ANKRD28: variants seen among roughly 807,000 people sequenced by gnomAD.
ANKRD28 encodes the protein ankyrin repeat domain 28.
A neutral mutation model predicts 126.5 loss-of-function variants in ANKRD28; 44 were observed. The observed-to-expected ratio is 0.35, with a 90% CI of 0.27 to 0.45. ANKRD28 has a LOEUF of 0.45. Ranked by LOEUF, ANKRD28 falls within the 20% of genes least tolerant of loss-of-function variation. The probability of loss-of-function intolerance (pLI) is 1.00; values close to 1 mark genes in which losing one functional copy is unlikely to be tolerated. For synonymous variants in ANKRD28, 442 were observed against 468.5 expected (o/e 0.94, Z 0.73); for missense variants, 1,110 against 1,316.6 (o/e 0.84, Z 2.43).
chr3:15,855,459 C>T (rs1053469673), intron 1 of ANKRD28, among the ~76,000 whole-genome samples: 8 of 152,148 alleles, frequency 5.3e-5, no homozygotes, highest in Non-Finnish European at 7.3e-5. Flanking sequence ...AAGCTATTAC[C>T]CTTTAGTACT....
chr3:15,682,067 C>G (rs538273881), intron 21 of ANKRD28, among the ~76,000 whole-genome samples: 1 of 152,070 alleles, frequency 6.6e-6, no homozygotes, highest in Admixed American at 6.6e-5. Context: ...GCCTAGGGAA[C>G]CCTGGGGTGA....
intron 6 of ANKRD28, chr3:15,732,822 T>C (rs2074737603): frequency 6.6e-6 from 1 of 152,254 alleles, no homozygotes; most frequent in African/African-American, 2.4e-5. Flanking sequence ...CCCAAATCCT[T>C]GTAACAGATA....
intron 1 of ANKRD28, among the ~76,000 whole-genome samples, chr3:15,819,058 G>A (rs1415080814): frequency 6.6e-6 from 1 of 152,132 alleles, no homozygotes; most frequent in African/African-American, 2.4e-5. Flanking sequence ...TGGGAGGACT[G>A]CTTGAGCCCA....
chr3:15,749,734 C>A (rs2057745075), intron 4 of ANKRD28, among the ~76,000 whole-genome samples: 1 of 152,160 alleles, frequency 6.6e-6, no homozygotes. Flanking sequence ...ATGGGTATTC[C>A]TGAGAGCCAA....
In ANKRD28 at chr3:15,691,333, C is replaced by T. The variant is rs1208732371; in HGVS notation, c.1762-1113G>A. On this transcript the variant is annotated intron_variant, in intron 17 of 27. Coordinates refer to ENST00000683139, the MANE Select transcript of ANKRD28 (RefSeq NM_001349278.2). ...AGAAACGGGGTTTCACCATGTTGGC[C>T]AGGATGGTCTCGATCTCTTGACCTT... Among the ~76,000 whole-genome samples the T allele has an allele frequency of 7.9e-5, 12 of 152,184 alleles. No homozygotes were observed. The South Asian group carries it at 1.0e-3, about 13-fold the overall frequency.
In ANKRD28 at chr3:15,709,953, G is replaced by A. The variant is rs554286159; in HGVS notation, c.1338-217C>T. ...TTGGCACACTGAGGAAATAACACAC[G>A]ATTCATGTTGTCATTGTTTAAAAGG... On this transcript the variant is annotated intron_variant, in intron 12 of 27. Coordinates refer to ENST00000683139, the MANE Select transcript of ANKRD28 (RefSeq NM_001349278.2). Among the ~76,000 whole-genome samples, 16 of 152,018 alleles carry A rather than the reference G, an allele frequency of 1.1e-4. No individual in the cohort carries two copies. The South Asian group carries it at 2.9e-3, about 28-fold the overall frequency.
Position 15,766,224 on chromosome 3 carries a change from G to A in ANKRD28, c.280+10C>T, listed in dbSNP as rs1306565093. The A allele has an allele frequency of 6.2e-7, 1 of 1,604,316 alleles. No homozygotes were observed. The highest frequency in any genetic ancestry group is 8.5e-7 in the Non-Finnish European group (1 of 1,172,932). ...CATAATGTGTTCTTATTACTCAGAG[G>A]TTACCATACCAGATAAAATAAGAAG... On this transcript the variant is annotated intron_variant, in intron 3 of 27. Coordinates refer to ENST00000683139, the MANE Select transcript of ANKRD28 (RefSeq NM_001349278.2).
chr3:15,797,971 C>T lies in ANKRD28; in HGVS notation c.-1450G>A. 1 of 985,302 alleles carries T rather than the reference C, an allele frequency of 1.0e-6. No individual in the cohort carries two copies. The highest frequency in any genetic ancestry group is 1.2e-6 in the Non-Finnish European group (1 of 829,894). The allele number at this position is 985,302 out of a possible 1,614,324, so 61.0% of individuals were successfully genotyped here. A position where few individuals can be genotyped will look rare whatever the true frequency, so the allele number is the denominator to read the frequency against. ...AGTAATGCTCACATGTTACACTTAC[C>T]AGAGATCTGAGCTACTTCTCGGGAT... On this transcript the variant is annotated 5_prime_UTR_variant, in exon 1 of 28. Transcript: ENST00000683139.
At chr3:15,707,848 G>C in intron 14 of ANKRD28, 76 bp downstream of exon 14, 1 of 1,509,164 alleles carries the variant, frequency 6.6e-7, no homozygotes. Context: ...ACACAAATTT[G>C]CAACAAAAAC....
chr3:15,700,682 G>T (rs991842023), intron 14 of ANKRD28, among the ~76,000 whole-genome samples: 102 of 152,286 alleles, frequency 6.7e-4, no homozygotes, highest in African/African-American at 2.4e-3. Flanking sequence ...GCTGAGGCAG[G>T]AGAATTGCTT....
chr3:15,801,756 A>G (rs116650197), upstream of ANKRD28, among the ~76,000 whole-genome samples: 412 of 152,320 alleles, frequency 2.7e-3, 1 homozygote, highest in African/African-American at 9.7e-3. The surrounding 1 kb of genome is among the most constrained non-coding windows in gnomAD (Gnocchi z 4.9). Context: ...CCACTGCAAG[A>G]AAGTCACTAG....
At chr3:15,859,307 A>G in intron 1 of ANKRD28, 1 of 1,505,910 alleles carries the variant, frequency 6.6e-7, no homozygotes, top group Non-Finnish European at 8.8e-7. Flanking sequence ...CCAGCGGCCC[A>G]CACCGCCGGT....
chr3:15,676,694 C>T (rs555212629), intron 26 of ANKRD28: 40 of 274,188 alleles, frequency 1.5e-4, no homozygotes, highest in African/African-American at 9.0e-4. Context: ...ACAGAATACA[C>T]AAAATAGTAC....
chr3:15,746,522 G>A (rs2057485842), intron 4 of ANKRD28, among the ~76,000 whole-genome samples: 1 of 152,014 alleles, frequency 6.6e-6, no homozygotes, highest in African/African-American at 2.4e-5. Context: ...TACTGACTTA[G>A]GTATGTTAAT....
At position 15,841,515 on chromosome 3, in the gene ANKRD28, T is replaced by A. The variant is rs576093809; in HGVS notation, c.27+17862A>T. On this transcript the variant is annotated intron_variant, in intron 1 of 27. Coordinates refer to the ANKRD28 transcript ENST00000399451. Reference sequence around the variant, plus strand: ...ACAACCCATAGAATGGGAGAAAATATCTGCAAACTAATTCTCTGACAAGGG... The same window carrying A: ...ACAACCCATAGAATGGGAGAAAATAACTGCAAACTAATTCTCTGACAAGGG... Among the ~76,000 whole-genome samples the A allele has an allele frequency of 4.0e-4, 61 of 152,006 alleles. No homozygotes were observed. The Middle Eastern group carries it at 0.027, about 68-fold the overall frequency.
intron 1 of ANKRD28, among the ~76,000 whole-genome samples, chr3:15,837,308 G>A (rs1004078596): frequency 7.9e-5 from 12 of 152,014 alleles, no homozygotes; most frequent in African/African-American, 2.7e-4. Context: ...TGACCTAACT[G>A]ACATCTATAG....
intron 11 of ANKRD28, among the ~76,000 whole-genome samples, chr3:15,711,775 C>T (rs944929984): frequency 2.6e-5 from 4 of 152,006 alleles, no homozygotes; most frequent in African/African-American, 4.8e-5. Flanking sequence ...CAACCTCTGC[C>T]TCCTGGGTTC....
At chr3:15,733,707 A>C (rs2074817978) in intron 6 of ANKRD28, among the ~76,000 whole-genome samples, 1 of 152,164 alleles carries the variant, frequency 6.6e-6, no homozygotes, top group Non-Finnish European at 1.5e-5. Flanking sequence ...ACCTTATTTT[A>C]AATGTTTTAT....
Position 15,774,281 on chromosome 3 carries a change from C to A in ANKRD28, c.202-7969G>T, listed in dbSNP as rs140178963. 2.0e-3 allele frequency among the ~76,000 whole-genome samples: 297 copies of A among 152,158 alleles called. 2 individuals carry two copies. The highest frequency in any genetic ancestry group is 0.01 in the Middle Eastern group (3 of 294). ...TGAATTAAACTTCATCAAAATGAGA[C>A]TTTTGTACTGAGAAAGACATAGTTA... is the stretch of plus-strand genomic sequence containing the variant. On this transcript the variant is annotated intron_variant, in intron 2 of 27. Coordinates refer to ENST00000683139, the MANE Select transcript of ANKRD28 (RefSeq NM_001349278.2).
Sources: allele counts gnomAD v4.1 joint callset (sites outside exome capture counted in the v4.1 genomes callset), GRCh38; gene constraint gnomAD v4.1.1; non-coding constraint Gnocchi (gnomAD v3.1); transcripts MANE v1.5; gene names NCBI Gene and HGNC (gene_info 2026-07-23, HGNC 2026-07-21).